Variants in CNOT6L observed in about 807,000 individuals in gnomAD.
CNOT6L encodes CCR4-NOT transcription complex subunit 6 like, also known as CCR4-NOT transcription complex subunit 6-like.
In CNOT6L, 7 loss-of-function variants were observed where a neutral mutation model predicts 64.0. The ratio of observed to expected loss-of-function variants is 0.11; its 90% CI spans 0.06 to 0.21. The LOEUF (loss-of-function observed/expected upper bound fraction) is 0.21, where lower values mean the gene tolerates loss of function less well. Among genes scored for constraint, CNOT6L ranks in the 10% least tolerant of loss-of-function variants. CNOT6L has a pLI of 1.00. For missense variants in CNOT6L, 245 were observed against 669.0 expected (o/e 0.37, Z 6.99); for synonymous variants, 193 against 243.4 (o/e 0.79, Z 1.93).
intron 4 of CNOT6L, among the ~76,000 whole-genome samples, chr4:77,766,665 A>C (rs915539895): frequency 1.3e-5 from 2 of 151,952 alleles, no homozygotes; most frequent in African/African-American, 4.8e-5. Flanking sequence ...TATAAGATTA[A>C]TTTTAAAACA....
At chr4:77,760,965 C>T (rs1241195206) in intron 4 of CNOT6L, among the ~76,000 whole-genome samples, 2 of 148,150 alleles carry the variant, frequency 1.3e-5, no homozygotes, top group Non-Finnish European at 3.0e-5. Context: ...ATCTGCCCAC[C>T]TCGGCCTCCC....
At chr4:77,738,895 G>C (rs1301953644) in intron 8 of CNOT6L, among the ~76,000 whole-genome samples, 2 of 151,904 alleles carry the variant, frequency 1.3e-5, no homozygotes, top group Admixed American at 1.3e-4. Context: ...CAAAGCAAAA[G>C]CTGAGATCTG....
intron 1 of CNOT6L, among the ~76,000 whole-genome samples, chr4:77,816,590 C>T (rs1733605889): frequency 6.6e-6 from 1 of 152,086 alleles, no homozygotes; most frequent in South Asian, 2.1e-4. Flanking sequence ...CTCTTACCTT[C>T]ACAGAAATTT....
chr4:77,725,515 AAAG>A (rs1161517900), intron 11 of CNOT6L, among the ~76,000 whole-genome samples: 1 of 152,196 alleles, frequency 6.6e-6, no homozygotes, highest in East Asian at 1.9e-4. Context: ...CTGTCTTTCT[AAAG>A]AATAGCTGGT....
intron 1 of CNOT6L, among the ~76,000 whole-genome samples, chr4:77,787,823 A>G (rs1264411246): frequency 6.6e-6 from 1 of 152,254 alleles, no homozygotes; most frequent in Non-Finnish European, 1.5e-5. Context: ...CAATCTTGTA[A>G]GCAGGTATTA....
chr4:77,770,862 G>A (rs1033272514), intron 4 of CNOT6L, among the ~76,000 whole-genome samples: 2 of 152,094 alleles, frequency 1.3e-5, no homozygotes, highest in African/African-American at 2.4e-5. Context: ...AAGGACTAAG[G>A]AGATAATATT....
chr4:77,784,561 G>C (rs1413843197), intron 1 of CNOT6L, among the ~76,000 whole-genome samples: 1 of 150,150 alleles, frequency 6.7e-6, no homozygotes, highest in East Asian at 1.9e-4. Context: ...GCAGTGTGGT[G>C]CAGCCTCAAC....
chr4:77,765,846 G>A (rs1368427449), intron 4 of CNOT6L, among the ~76,000 whole-genome samples: 2 of 152,298 alleles, frequency 1.3e-5, no homozygotes, highest in East Asian at 1.9e-4. Context: ...AGCAAGACTA[G>A]TAGCTTTTCG....
At chr4:77,769,389 A>G (rs1217326708) in intron 4 of CNOT6L, among the ~76,000 whole-genome samples, 1 of 152,116 alleles carries the variant, frequency 6.6e-6, no homozygotes, top group Non-Finnish European at 1.5e-5. Flanking sequence ...ATTTTGTCAT[A>G]TTTTTTAAAT....
rs149311694 is a variant in CNOT6L, at chr4:77,778,243, T to A, written c.6-1851A>T. Among the ~76,000 whole-genome samples the A allele has an allele frequency of 3.1e-3, 476 of 152,258 alleles. 5 individuals are homozygous for A. The highest frequency in any genetic ancestry group is 0.011 in the African/African-American group (438 of 41,544). ...AAGGCACACATGTCTCTTTGGGTAC[T>A]TTTGGGTAATAATAAAAGAGTCTAC... On this transcript the variant is annotated intron_variant, in intron 1 of 11. Transcript: ENST00000504123.
intron 9 of CNOT6L, among the ~76,000 whole-genome samples, 191 bp downstream of exon 9, chr4:77,731,192 TAGAG>T (rs1208575885): frequency 1.1e-4 from 17 of 152,236 alleles, no homozygotes; most frequent in African/African-American, 3.9e-4. Flanking sequence ...AAGACTGTGA[TAGAG>T]AGCACAAAAT....
chr4:77,726,447 G>A (rs1721855602), intron 10 of CNOT6L, 78 bp from the exon 11 acceptor site: 13 of 1,139,290 alleles, frequency 1.1e-5, no homozygotes, highest in Non-Finnish European at 1.6e-5. Context: ...CTTGTTACCA[G>A]GTTAATCCAC....
At chr4:77,774,837 TTTTAA>T in intron 2 of CNOT6L, 121 bp from the exon 3 acceptor site, 4 of 568,482 alleles carry the variant, frequency 7.0e-6, no homozygotes, top group Non-Finnish European at 5.8e-6. Context: ...ATCTCTGACA[TTTTAA>T]TTTTTTATTT....
chr4:77,784,676 G>C (rs1438371142), intron 1 of CNOT6L, among the ~76,000 whole-genome samples: 9 of 151,862 alleles, frequency 5.9e-5, no homozygotes, highest in Admixed American at 5.9e-4. Context: ...TGTAGAGATG[G>C]GTTTCACCAT....
In CNOT6L at chr4:77,716,135, C is replaced by G. The variant is rs1352535234; in HGVS notation, c.*4296G>C. The G allele has an allele frequency of 1.7e-5, 1 of 57,924 alleles. No homozygotes were observed. The highest frequency in any genetic ancestry group is 5.2e-5 in the Non-Finnish European group (1 of 19,108). The allele number at this position is 57,924 out of a possible 1,614,324, so 3.6% of individuals were successfully genotyped here. ...AAGTGACCTTTTTTAAAGGGTAGGG[C>G]AGGTGGGAAAAAGAATATCTCATCA... is the stretch of plus-strand genomic sequence containing the variant. On this transcript the variant is annotated 3_prime_UTR_variant, in exon 12 of 12. Coordinates refer to ENST00000504123, the MANE Select transcript of CNOT6L (RefSeq NM_144571.3).
intron 1 of CNOT6L, among the ~76,000 whole-genome samples, chr4:77,807,757 A>G (rs1415072145): frequency 6.6e-6 from 1 of 152,224 alleles, no homozygotes; most frequent in East Asian, 1.9e-4. Flanking sequence ...AGAAATTTGC[A>G]TCTTATTTAA....
chr4:77,796,790 T>G (rs1180133270), intron 1 of CNOT6L, among the ~76,000 whole-genome samples: 6 of 152,032 alleles, frequency 3.9e-5, no homozygotes, highest in Non-Finnish European at 8.8e-5. Context: ...TCAACAAAAC[T>G]GCCAAGGACG....
intron 8 of CNOT6L, among the ~76,000 whole-genome samples, chr4:77,739,478 A>C (rs1234066115): frequency 6.6e-6 from 1 of 152,228 alleles, no homozygotes. Flanking sequence ...CAAAACTCAC[A>C]GTCTTTTTTT....
intron 1 of CNOT6L, among the ~76,000 whole-genome samples, chr4:77,816,899 A>C (rs1733642808): frequency 6.6e-6 from 1 of 152,194 alleles, no homozygotes; most frequent in Non-Finnish European, 1.5e-5. Flanking sequence ...CAGCAGTTAA[A>C]ATTTAATGAA....
Sources: gnomAD v4.1 joint callset for allele counts (sites outside exome capture counted in the v4.1 genomes callset) on GRCh38, gnomAD v4.1.1 for gene constraint, MANE v1.5 for transcripts, NCBI Gene and HGNC (gene_info 2026-07-23, HGNC 2026-07-21) for gene names.